The following COLEC10 variants were observed in gnomAD, a reference collection of about 807,000 sequenced individuals.
The protein encoded by COLEC10 is collectin subfamily member 10.
In COLEC10, 22 loss-of-function variants were observed where a neutral mutation model predicts 28.4. That is an observed-to-expected ratio of 0.78 (90% CI 0.55 to 1.11). The LOEUF is 1.11. Ranked by LOEUF, COLEC10 falls within the 50% of genes least tolerant of loss-of-function variation. The probability of loss-of-function intolerance (pLI) is 0.00; values close to 1 mark genes in which losing one functional copy is unlikely to be tolerated. For missense variants in COLEC10, 361 were observed against 344.1 expected, an observed-to-expected ratio of 1.05 and a Z score of -0.39; for synonymous variants, 125 against 116.1, an observed-to-expected ratio of 1.08 and a Z score of -0.49.
At chr8:119,047,783 A>G (rs996225116) in intron 2 of COLEC10, among the ~76,000 whole-genome samples, 1 of 89,964 alleles carries the variant, frequency 1.1e-5, no homozygotes, top group Non-Finnish European at 2.0e-5. Flanking sequence ...AAACAGGCTT[A>G]TCTCAGTTGT....
intron 1 of COLEC10, among the ~76,000 whole-genome samples, chr8:119,078,436 T>C (rs1815299753): frequency 6.6e-6 from 1 of 152,048 alleles, no homozygotes; most frequent in Non-Finnish European, 1.5e-5. Context: ...AAGGTCTTAG[T>C]GGGACATAAA....
rs575924299 is a variant in COLEC10, at chr8:119,089,686, A to T, written c.155A>T (p.Asp52Val). 1 of 1,613,134 alleles carries T rather than the reference A, an allele frequency of 6.2e-7. No homozygotes were observed. The highest frequency in any genetic ancestry group is 1.3e-5 in the African/African-American group (1 of 75,032). ...TCATTTTCTGTTTCAAAAGGAGATGATGGTGAAAAAGGAGATCCAGGAGAA... is the reference window on the plus strand; with the variant it reads ...TCATTTTCTGTTTCAAAAGGAGATGTTGGTGAAAAAGGAGATCCAGGAGAA... The part of the protein sequence containing the change: ...HTISPGPKGD[D>V]GEKGDPGEEG... Residue 52 changes from aspartate to valine, a missense_variant, in exon 2 of 6, where the codon GAT (aspartate) becomes GTT (valine). By Grantham distance (152) the Asp-to-Val change is radical. This residue lies in a region of COLEC10 where 335 missense variants were observed against 308.5 expected (regional missense o/e 1.09). Coordinates refer to ENST00000332843, the MANE Select transcript of COLEC10 (RefSeq NM_006438.5).
intron 2 of COLEC10, among the ~76,000 whole-genome samples, chr8:119,057,728 A>C (rs1814788643): frequency 6.6e-6 from 1 of 152,106 alleles, no homozygotes; most frequent in East Asian, 1.9e-4. Context: ...ATTCAAGCTC[A>C]AATTCCCATC....
chr8:118,955,882 T>C, the COLEC10 span, among the ~76,000 whole-genome samples: 1 of 152,212 alleles, frequency 6.6e-6, no homozygotes, highest in Non-Finnish European at 1.5e-5. Flanking sequence ...GTGATTCCAG[T>C]CTTTCTTCAA....
chr8:119,066,995 A>G (rs956491279), upstream of COLEC10, among the ~76,000 whole-genome samples: 1 of 152,174 alleles, frequency 6.6e-6, no homozygotes, highest in Non-Finnish European at 1.5e-5. Context: ...AGGCATCTCT[A>G]TCTTCTTTGT....
At chr8:119,076,972 A>G (rs1340597945) in intron 1 of COLEC10, among the ~76,000 whole-genome samples, 1 of 152,230 alleles carries the variant, frequency 6.6e-6, no homozygotes, top group African/African-American at 2.4e-5. Flanking sequence ...TTGATACACC[A>G]TAAAGGAAAG....
At chr8:119,058,494 T>C (rs1220973209) in intron 2 of COLEC10, among the ~76,000 whole-genome samples, 1 of 152,076 alleles carries the variant, frequency 6.6e-6, no homozygotes, top group Non-Finnish European at 1.5e-5. Flanking sequence ...TCTAGAAATT[T>C]CATATAAAAG....
intron 2 of COLEC10, among the ~76,000 whole-genome samples, chr8:119,054,890 G>A (rs1814736338): frequency 6.6e-6 from 1 of 151,956 alleles, no homozygotes; most frequent in South Asian, 2.1e-4. Context: ...GTCATTTATA[G>A]GAACATAGAA....
chr8:118,977,542 C>T, the COLEC10 span, among the ~76,000 whole-genome samples: 758 of 138,332 alleles, frequency 5.5e-3, 10 homozygotes, highest in African/African-American at 0.02. Context: ...TAGGTGGGAA[C>T]TGAACAATGA....
intron 1 of COLEC10, among the ~76,000 whole-genome samples, chr8:119,000,307 G>A (rs1365422176): frequency 6.6e-6 from 1 of 152,130 alleles, no homozygotes; most frequent in Non-Finnish European, 1.5e-5. Context: ...AGGAGAATGG[G>A]GAAATGAGTT....
intron 2 of COLEC10, among the ~76,000 whole-genome samples, chr8:119,022,184 AG>A (rs1195850353): frequency 5.3e-5 from 8 of 152,312 alleles, no homozygotes; most frequent in African/African-American, 1.9e-4. Flanking sequence ...ATATTAAATC[AG>A]CTACATAAAT....
chr8:119,001,071 C>G (rs892736324), intron 1 of COLEC10, among the ~76,000 whole-genome samples: 2 of 152,148 alleles, frequency 1.3e-5, no homozygotes, highest in African/African-American at 2.4e-5. Context: ...TATGAGTGAG[C>G]TTCAGGGGTG....
chr8:119,025,751 C>T (rs1012364710), intron 2 of COLEC10, among the ~76,000 whole-genome samples: 5 of 152,154 alleles, frequency 3.3e-5, no homozygotes, highest in Non-Finnish European at 1.5e-5. Flanking sequence ...TCTCTGTGTA[C>T]ATGCAGCAGG....
At chr8:118,973,093 A>C in the COLEC10 span, among the ~76,000 whole-genome samples, 2 of 151,978 alleles carry the variant, frequency 1.3e-5, no homozygotes. Flanking sequence ...ACTTCAATTC[A>C]AGATGAGATT....
At chr8:119,079,720 T>C (rs1815331879) in intron 1 of COLEC10, among the ~76,000 whole-genome samples, 1 of 150,670 alleles carries the variant, frequency 6.6e-6, no homozygotes, top group Non-Finnish European at 1.5e-5. Context: ...AAAGATACTT[T>C]GTAATTCAGA....
the COLEC10 span, among the ~76,000 whole-genome samples, chr8:118,973,768 G>T: frequency 6.6e-6 from 1 of 151,920 alleles, no homozygotes; most frequent in Non-Finnish European, 1.5e-5. Context: ...TTTTGTTCAT[G>T]TAGCAGTTGG....
At chr8:119,098,292 CAA>C (rs2130297871) in intron 3 of COLEC10, among the ~76,000 whole-genome samples, 1 of 152,118 alleles carries the variant, frequency 6.6e-6, no homozygotes, top group Admixed American at 6.6e-5. Context: ...AAGAAAGGCT[CAA>C]GAGTTTTTAG....
chr8:119,082,360 T>C (rs1005108475), intron 1 of COLEC10, among the ~76,000 whole-genome samples: 21 of 152,236 alleles, frequency 1.4e-4, no homozygotes, highest in Non-Finnish European at 7.3e-5. Context: ...CATTTGACTG[T>C]ATTGTCATTA....
intron 2 of COLEC10, among the ~76,000 whole-genome samples, chr8:119,023,817 G>A (rs2130112952): frequency 6.6e-6 from 1 of 152,266 alleles, no homozygotes; most frequent in African/African-American, 2.4e-5. Context: ...TTTGAAATCA[G>A]AGGAATAGAT....
Sources: allele counts gnomAD v4.1 joint callset (sites outside exome capture counted in the v4.1 genomes callset), GRCh38; gene constraint gnomAD v4.1.1; regional missense constraint gnomAD v4.1.1; transcripts MANE v1.5; gene names NCBI Gene and HGNC (gene_info 2026-07-23, HGNC 2026-07-21).